PDSS2: variants seen among roughly 807,000 people sequenced by gnomAD.
The protein encoded by PDSS2 is decaprenyl diphosphate synthase subunit 2.
PDSS2 carries 31 observed loss-of-function variants against 44.5 expected under a neutral mutation model. The observed-to-expected ratio is 0.70, with a 90% confidence interval of 0.52 to 0.94. The LOEUF is 0.94. Ranked by LOEUF, PDSS2 falls within the 40% of genes least tolerant of loss-of-function variation. PDSS2 has a pLI of 0.00. For missense variants in PDSS2, 452 were observed against 482.2 expected (o/e 0.94, Z 0.59); for synonymous variants, 157 against 180.3 (o/e 0.87, Z 1.03).
chr6:107,419,445 T>A (rs141206158), intron 1 of PDSS2, among the ~76,000 whole-genome samples: 1,583 of 152,316 alleles, frequency 0.01, 23 homozygotes, highest in Non-Finnish European at 0.012. Flanking sequence ...AGGTCCTTAT[T>A]AGGATCTACA....
intron 1 of PDSS2, among the ~76,000 whole-genome samples, chr6:107,442,643 T>C (rs1189373569): frequency 6.6e-6 from 1 of 152,122 alleles, no homozygotes; most frequent in Non-Finnish European, 1.5e-5. Flanking sequence ...TTGCTGCAAA[T>C]ACTTCACGTT....
chr6:107,381,604 T>C (rs1368582168), intron 1 of PDSS2, among the ~76,000 whole-genome samples: 1 of 152,190 alleles, frequency 6.6e-6, no homozygotes, highest in Non-Finnish European at 1.5e-5. Context: ...AAAAACCAAG[T>C]AGACTCCTGA....
chr6:107,455,103 G>T (rs1781993619), intron 1 of PDSS2, among the ~76,000 whole-genome samples: 1 of 151,528 alleles, frequency 6.6e-6, no homozygotes, highest in Non-Finnish European at 1.5e-5. Flanking sequence ...GGACAACTTT[G>T]CAAAAACTTA....
chr6:107,333,982 T>C (rs1777793099), intron 2 of PDSS2, among the ~76,000 whole-genome samples: 1 of 152,170 alleles, frequency 6.6e-6, no homozygotes, highest in Non-Finnish European at 1.5e-5. Flanking sequence ...GAAAGGAAAG[T>C]ATTTCACACA....
In PDSS2 at chr6:107,274,058, T is replaced by C; in HGVS notation, c.601A>G (p.Asn201Asp). The change falls in exon 3 of 8, where the codon AAT (asparagine) becomes GAT (aspartate). Residue 201 changes from asparagine to aspartate, a missense_variant. Physicochemically the swap from Asn to Asp is conservative, Grantham distance 23 (BLOSUM62 1). Transcript: ENST00000369037. ...SGDFLLANAC[N>D]GLALLQNTKV... ...GTGTTCTGTAGCAGAGCTAGTCCAT[T>C]GCAGGCATTTGCTAGAAGAAAGTCT... The C allele has an allele frequency of 1.1e-5, 18 of 1,614,154 alleles. No individual in the cohort carries two copies. Among genetic ancestry groups the C allele is most frequent in the Non-Finnish European group, 1.4e-5 (17 of 1,179,998 alleles).
intron 1 of PDSS2, among the ~76,000 whole-genome samples, chr6:107,446,689 G>A (rs1240026908): frequency 6.6e-6 from 1 of 152,138 alleles, no homozygotes; most frequent in Non-Finnish European, 1.5e-5. Flanking sequence ...TCACAGGCCA[G>A]CAGAAGAGAG....
intron 7 of PDSS2, among the ~76,000 whole-genome samples, chr6:107,166,434 G>A (rs1270018767): frequency 6.9e-6 from 1 of 144,806 alleles, no homozygotes; most frequent in Non-Finnish European, 1.5e-5. Flanking sequence ...GCGTGATCTC[G>A]GCTCACTGCA....
intron 2 of PDSS2, among the ~76,000 whole-genome samples, chr6:107,305,331 G>T (rs1048322571): frequency 8.2e-4 from 124 of 152,124 alleles, no homozygotes; most frequent in African/African-American, 2.8e-3. Flanking sequence ...TCCACTTCAG[G>T]TATCTATGGC....
At chr6:107,240,909 A>C (rs1406564671) in intron 4 of PDSS2, among the ~76,000 whole-genome samples, 3 of 152,120 alleles carry the variant, frequency 2.0e-5, no homozygotes, top group Non-Finnish European at 4.4e-5. Flanking sequence ...ATTTCAATGG[A>C]TAGAACAAAG....
chr6:107,295,971 AG>A (rs1166687345), intron 2 of PDSS2, among the ~76,000 whole-genome samples: 2 of 152,204 alleles, frequency 1.3e-5, no homozygotes, highest in Admixed American at 6.5e-5. Flanking sequence ...AACTCAAGTA[AG>A]GGTATGTGAA....
chr6:107,426,796 A>G (rs1431368963), intron 1 of PDSS2, among the ~76,000 whole-genome samples: 2 of 152,150 alleles, frequency 1.3e-5, no homozygotes, highest in Non-Finnish European at 2.9e-5. Context: ...TGAGGCCTGT[A>G]GCCCCTTTGT....
intron 1 of PDSS2, among the ~76,000 whole-genome samples, chr6:107,437,280 TGGAGGCCAA>T (rs1277776330): frequency 1.3e-5 from 2 of 152,152 alleles, no homozygotes; most frequent in Non-Finnish European, 2.9e-5. Context: ...CCAGCACTTT[TGGAGGCCAA>T]GGTGGGCAGA....
chr6:107,315,604 G>C (rs1408002569), intron 2 of PDSS2, among the ~76,000 whole-genome samples: 1 of 152,064 alleles, frequency 6.6e-6, no homozygotes, highest in Non-Finnish European at 1.5e-5. Context: ...AAAGAAAAAA[G>C]AAAGAAAGAA....
At chr6:107,302,303 C>G (rs113580378) in intron 2 of PDSS2, among the ~76,000 whole-genome samples, 3,043 of 150,534 alleles carry the variant, frequency 0.02, 106 homozygotes, top group African/African-American at 0.071. Context: ...CAGAGTCTTA[C>G]ACTGTTACCC....
At chr6:107,286,300 G>C (rs1242550354) in intron 2 of PDSS2, among the ~76,000 whole-genome samples, 1 of 151,812 alleles carries the variant, frequency 6.6e-6, no homozygotes, top group Non-Finnish European at 1.5e-5. Flanking sequence ...TTGAGGTCAG[G>C]AGTTTGAGAC....
At chr6:107,440,570 A>G (rs1006839634) in intron 1 of PDSS2, among the ~76,000 whole-genome samples, 2 of 152,210 alleles carry the variant, frequency 1.3e-5, no homozygotes, top group Non-Finnish European at 2.9e-5. Flanking sequence ...TGACCTCTCA[A>G]AATTGTTTCC....
chr6:107,320,869 G>C (rs1388548078), intron 2 of PDSS2, among the ~76,000 whole-genome samples: 1 of 152,152 alleles, frequency 6.6e-6, no homozygotes, highest in Non-Finnish European at 1.5e-5. Context: ...AGATGACTAA[G>C]AAAGTATATG....
At chr6:107,326,592 C>T (rs1777553888) in intron 2 of PDSS2, among the ~76,000 whole-genome samples, 1 of 151,928 alleles carries the variant, frequency 6.6e-6, no homozygotes, top group African/African-American at 2.4e-5. Context: ...GTGGCTCCGC[C>T]TGTAATCCCA....
chr6:107,184,690 T>C (rs561339668), intron 7 of PDSS2, among the ~76,000 whole-genome samples: 2 of 152,242 alleles, frequency 1.3e-5, no homozygotes, highest in East Asian at 3.9e-4. Flanking sequence ...CTGAGAGGCA[T>C]TGGAGGATAG....
Sources: allele counts gnomAD v4.1 joint callset (sites outside exome capture counted in the v4.1 genomes callset), GRCh38; gene constraint gnomAD v4.1.1; transcripts MANE v1.5; gene names NCBI Gene and HGNC (gene_info 2026-07-23, HGNC 2026-07-21).